Variants in RAPGEF2 observed in about 807,000 individuals in gnomAD.
The protein encoded by RAPGEF2 is PDZ domain containing guanine nucleotide exchange factor (GEF) 1.
Under a neutral mutation model 186.7 loss-of-function variants are expected in RAPGEF2, and 54 were observed. The ratio of observed to expected loss-of-function variants is 0.29; its 90% confidence interval spans 0.23 to 0.36. The LOEUF (loss-of-function observed/expected upper bound fraction) is 0.36, where lower values mean the gene tolerates loss of function less well. Among genes scored for constraint, RAPGEF2 ranks in the 10% least tolerant of loss-of-function variants. The pLI, the probability that RAPGEF2 is intolerant of heterozygous loss-of-function variation, is 1.00. For missense variants in RAPGEF2, 1,532 were observed against 2,045.0 expected (o/e 0.75, Z 4.84); for synonymous variants, 712 against 705.9 (o/e 1.01, Z -0.14).
intron 3 of RAPGEF2, among the ~76,000 whole-genome samples, chr4:159,198,314 CTTTCTT>C (rs1409752029): frequency 1.5e-5 from 1 of 68,926 alleles, no homozygotes; most frequent in African/African-American, 5.1e-5. Flanking sequence ...TTCTTTCTTT[CTTTCTT>C]TCTTTCTTTC....
intron 7 of RAPGEF2, among the ~76,000 whole-genome samples, chr4:159,274,767 A>G (rs1758612597): frequency 6.6e-6 from 1 of 152,230 alleles, no homozygotes; most frequent in African/African-American, 2.4e-5. Context: ...ACATAAATTA[A>G]GAAACTAATA....
rs748808459 is a variant in RAPGEF2, at chr4:159,353,450, G to T, written c.4092-37G>T. The T allele has an allele frequency of 6.4e-6, 8 of 1,257,642 alleles. No homozygotes were observed. The Admixed American group carries it at 8.8e-5, about 14-fold the overall frequency. 77.9% of individuals were successfully genotyped at this position (1,257,642 alleles called of 1,614,324 possible). A position where few individuals can be genotyped will look rare whatever the true frequency, so the allele number is the denominator to read the frequency against. Reference sequence around the variant, plus strand: ...CATAGGTGAATTAGTTATCAATCTTGTTTTTTTTTTCTTTTCCATTTCTTT... The same window carrying T: ...CATAGGTGAATTAGTTATCAATCTTTTTTTTTTTTTCTTTTCCATTTCTTT... On this transcript the variant is annotated intron_variant, in intron 27 of 29. Coordinates refer to ENST00000691494, the MANE Select transcript of RAPGEF2 (RefSeq NM_001394067.2). The surrounding 1 kb of genome is among the most constrained non-coding windows in gnomAD (Gnocchi z 4.3).
chr4:159,107,862 T>C (rs982648739), intron 1 of RAPGEF2, among the ~76,000 whole-genome samples: 36 of 152,234 alleles, frequency 2.4e-4, no homozygotes, highest in South Asian at 2.1e-4. Context: ...AAATTTTCCA[T>C]TTGAGTTTCT....
chr4:159,234,476 G>A (rs1212480361), intron 4 of RAPGEF2, among the ~76,000 whole-genome samples: 1 of 151,618 alleles, frequency 6.6e-6, no homozygotes, highest in Non-Finnish European at 1.5e-5. Context: ...TCTGCCTTCC[G>A]GGTTCAGGTG....
At chr4:159,337,763 G>A (rs1410251490) in intron 17 of RAPGEF2, among the ~76,000 whole-genome samples, 4 of 151,264 alleles carry the variant, frequency 2.6e-5, no homozygotes, top group Non-Finnish European at 5.9e-5. Flanking sequence ...GGTGGCGGAC[G>A]CCTGTAGTCC....
At chr4:159,314,474 T>C (rs1233816706) in intron 8 of RAPGEF2, 117 bp from the exon 9 acceptor site, 1 of 951,594 alleles carries the variant, frequency 1.1e-6, no homozygotes, top group Non-Finnish European at 1.5e-6. Context: ...ACATAGTTGT[T>C]GGATGGAAAA....
At chr4:159,252,710 C>T (rs1034587224) in intron 7 of RAPGEF2, among the ~76,000 whole-genome samples, 87 of 152,198 alleles carry the variant, frequency 5.7e-4, no homozygotes, top group Non-Finnish European at 2.6e-4. Flanking sequence ...AATCTAAGGA[C>T]AGTTGATAAC....
At chr4:159,221,030 G>A (rs138377462) in intron 4 of RAPGEF2, among the ~76,000 whole-genome samples, 47 of 152,288 alleles carry the variant, frequency 3.1e-4, no homozygotes, top group African/African-American at 1.0e-3. Context: ...TGGGGAAAGC[G>A]TATGAGAAAT....
At chr4:159,157,962 C>A (rs530299947) in intron 1 of RAPGEF2, among the ~76,000 whole-genome samples, 31 of 152,222 alleles carry the variant, frequency 2.0e-4, no homozygotes, top group African/African-American at 7.0e-4. Context: ...AGACAGGCAG[C>A]AGCCAGGTGT....
At chr4:159,342,069 ATTCT>A in intron 20 of RAPGEF2, 122 bp downstream of exon 20, 1 of 998,040 alleles carries the variant, frequency 1.0e-6, no homozygotes, top group Non-Finnish European at 1.4e-6. Flanking sequence ...ATAAGAGACA[ATTCT>A]TTTTCTCTGA....
chr4:159,115,313 A>G (rs1427075383), intron 1 of RAPGEF2, among the ~76,000 whole-genome samples: 2 of 152,238 alleles, frequency 1.3e-5, no homozygotes, highest in Admixed American at 1.3e-4. Context: ...AATAATAAAG[A>G]CATAAATCAC....
At chr4:159,165,991 T>C (rs1392356498) in intron 1 of RAPGEF2, among the ~76,000 whole-genome samples, 3 of 152,052 alleles carry the variant, frequency 2.0e-5, no homozygotes, top group Non-Finnish European at 4.4e-5. Context: ...AATTAGGAAG[T>C]AGGACTAGTC....
intron 7 of RAPGEF2, among the ~76,000 whole-genome samples, chr4:159,264,550 C>CT (rs1757221673): frequency 6.6e-6 from 1 of 151,780 alleles, no homozygotes; most frequent in African/African-American, 2.4e-5. Flanking sequence ...TTGTTTAATC[C>CT]CTGAGTTGCC....
At chr4:159,305,256 ACT>A (rs762579670) in intron 8 of RAPGEF2, among the ~76,000 whole-genome samples, 5 of 152,256 alleles carry the variant, frequency 3.3e-5, no homozygotes, top group South Asian at 2.1e-4. Context: ...AAATCTCCAT[ACT>A]GTTTTTCATC....
intron 7 of RAPGEF2, among the ~76,000 whole-genome samples, chr4:159,251,449 C>T (rs1561148186): frequency 1.3e-5 from 2 of 152,370 alleles, no homozygotes; most frequent in South Asian, 4.1e-4. Context: ...ATGTACCAAT[C>T]AGCACTCTGT....
chr4:159,238,593 A>G (rs1006199552), intron 4 of RAPGEF2, among the ~76,000 whole-genome samples: 1 of 152,204 alleles, frequency 6.6e-6, no homozygotes, highest in African/African-American at 2.4e-5. Flanking sequence ...ATATTATGTT[A>G]GAATTTTCCA....
At chr4:159,155,018 G>A (rs1743969602) in intron 1 of RAPGEF2, among the ~76,000 whole-genome samples, 2 of 152,148 alleles carry the variant, frequency 1.3e-5, no homozygotes, top group South Asian at 2.1e-4. Context: ...ATTTTCAGAT[G>A]TGAAGCAGTA....
intron 1 of RAPGEF2, among the ~76,000 whole-genome samples, chr4:159,154,442 G>A (rs1278872604): frequency 1.3e-5 from 2 of 151,036 alleles, no homozygotes; most frequent in Non-Finnish European, 2.9e-5. Flanking sequence ...ATGCATACTC[G>A]GTATTACTGA....
intron 28 of RAPGEF2, among the ~76,000 whole-genome samples, chr4:159,355,051 A>G (rs1251933413): frequency 2.6e-5 from 4 of 152,226 alleles, no homozygotes; most frequent in Non-Finnish European, 5.9e-5. Flanking sequence ...TAAGGAGAAA[A>G]CAGTTAATAA....
Sources: allele counts gnomAD v4.1 joint callset (sites outside exome capture counted in the v4.1 genomes callset), GRCh38; gene constraint gnomAD v4.1.1; non-coding constraint Gnocchi (gnomAD v3.1); transcripts MANE v1.5; gene names NCBI Gene and HGNC (gene_info 2026-07-23, HGNC 2026-07-21).